The following IQSEC1 variants were observed in gnomAD, a reference collection of about 807,000 sequenced individuals.
The protein encoded by IQSEC1 is IQ motif and SEC7 domain-containing protein 1.
In IQSEC1, 31 loss-of-function variants were observed where a neutral mutation model predicts 91.0. The ratio of observed to expected loss-of-function variants is 0.34; its 90% CI spans 0.26 to 0.46. The LOEUF (loss-of-function observed/expected upper bound fraction) is 0.46, where lower values mean the gene tolerates loss of function less well. Ranked by LOEUF, IQSEC1 falls within the 20% of genes least tolerant of loss-of-function variation. IQSEC1 has a pLI of 1.00. For synonymous variants in IQSEC1, 699 were observed against 662.6 expected, an observed-to-expected ratio of 1.05 and a Z score of -0.84; for missense variants, 1,388 against 1,575.6, an observed-to-expected ratio of 0.88 and a Z score of 2.02.
chr3:13,226,126 G>A (rs1215463242), intron 1 of IQSEC1, among the ~76,000 whole-genome samples: 1 of 152,082 alleles, frequency 6.6e-6, no homozygotes, highest in Non-Finnish European at 1.5e-5. Flanking sequence ...TGATCCACCC[G>A]CCTCGGCCTC....
intron 1 of IQSEC1, among the ~76,000 whole-genome samples, chr3:13,231,904 G>C (rs946664970): frequency 3.9e-5 from 6 of 152,202 alleles, no homozygotes; most frequent in African/African-American, 1.4e-4. Flanking sequence ...CTGAGCTGCT[G>C]ACATCTGCTC....
chr3:12,924,705 C>T lies in IQSEC1; in HGVS notation c.1606G>A (p.Gly536Ser). 1.9e-6 allele frequency: 3 copies of T among 1,606,376 alleles called. No homozygotes were observed. The highest frequency in any genetic ancestry group is 2.6e-6 in the Non-Finnish European group (3 of 1,175,602). The part of the protein sequence containing the change: ...EKGVQYLIER[G>S]FVPDTPVGVA... ...CCGACGGGCGTGTCGGGCACAAAGC[C>T]ACGCTCGATGAGGTACTGGACTCCC... The change falls in exon 4 of 14, where the codon GGC becomes AGC. Residue 536 changes from glycine (G) to serine (S), a missense_variant. Transcript: ENST00000613206. This position sits in a 1 kb window ranked among gnomAD's most constrained non-coding sequence, Gnocchi z 6.3.
At chr3:13,171,323 C>T (rs565790444) in intron 1 of IQSEC1, among the ~76,000 whole-genome samples, 43 of 152,300 alleles carry the variant, frequency 2.8e-4, no homozygotes, top group African/African-American at 9.4e-4. Flanking sequence ...TCTTCCTAAA[C>T]GCTGTAATTG....
intron 1 of IQSEC1, among the ~76,000 whole-genome samples, chr3:13,012,755 C>G (rs1214325380): frequency 6.6e-6 from 1 of 152,162 alleles, no homozygotes; most frequent in Non-Finnish European, 1.5e-5. Context: ...GCGATTCCGC[C>G]ATTCCCGAAG....
intron 1 of IQSEC1, among the ~76,000 whole-genome samples, chr3:13,273,070 T>G (rs145152424): frequency 9.5e-4 from 144 of 152,256 alleles, no homozygotes; most frequent in African/African-American, 3.3e-3. Flanking sequence ...TTGCCACTCC[T>G]CTAGCAGGGA....
At chr3:13,036,877 T>A (rs910184024) in intron 1 of IQSEC1, among the ~76,000 whole-genome samples, 16 of 152,100 alleles carry the variant, frequency 1.1e-4, no homozygotes, top group Admixed American at 9.2e-4. Flanking sequence ...TCAGAACTAG[T>A]CCCACATCCT....
At chr3:13,198,489 C>G (rs1157517690) in intron 1 of IQSEC1, among the ~76,000 whole-genome samples, 2 of 152,064 alleles carry the variant, frequency 1.3e-5, no homozygotes, top group Non-Finnish European at 2.9e-5. Flanking sequence ...GCAGATTTCA[C>G]GCAGCTCAGC....
At chr3:12,962,662 C>T (rs1700314062) in intron 1 of IQSEC1, among the ~76,000 whole-genome samples, 2 of 152,196 alleles carry the variant, frequency 1.3e-5, no homozygotes. Flanking sequence ...AGGGGACAGT[C>T]AGTTTTAGTC....
At chr3:12,921,997 T>C (rs1696675488) in intron 5 of IQSEC1, 123 bp downstream of exon 5, 1 of 1,241,002 alleles carries the variant, frequency 8.1e-7, no homozygotes, top group African/African-American at 1.5e-5. Flanking sequence ...CAAAGCAACA[T>C]TCAGGGACAC....
Position 12,909,521 on chromosome 3 carries a change from G to A in IQSEC1, c.2417-87C>T, listed in dbSNP as rs1695362148. The A allele has an allele frequency of 3.7e-6, 5 of 1,342,444 alleles. No individual in the cohort carries two copies. In the South Asian group the frequency reaches 5.3e-5, roughly 14 times the overall value. The allele number at this position is 1,342,444 out of a possible 1,614,324, so 83.2% of individuals were successfully genotyped here. A position where few individuals can be genotyped will look rare whatever the true frequency, so the allele number is the denominator to read the frequency against. On this transcript the variant is annotated intron_variant, in intron 10 of 13. Coordinates refer to ENST00000613206, the MANE Select transcript of IQSEC1 (RefSeq NM_001134382.3). The surrounding 1 kb of genome is among the most constrained non-coding windows in gnomAD (Gnocchi z 4.9). ...TCTCTGGTCAGGAAACAATGGTAGG[G>A]CTGAGTTGTGCGTGAGCCTGGGATA...
At chr3:13,167,484 C>T (rs533842859) in intron 1 of IQSEC1, among the ~76,000 whole-genome samples, 1 of 152,128 alleles carries the variant, frequency 6.6e-6, no homozygotes, top group East Asian at 1.9e-4. Flanking sequence ...GAAGGCTGCT[C>T]CTGGGGAGGA....
chr3:13,039,260 G>A (rs570611605), intron 1 of IQSEC1, among the ~76,000 whole-genome samples: 6 of 152,204 alleles, frequency 3.9e-5, no homozygotes, highest in Admixed American at 6.5e-5. Context: ...ATTTCTTTCC[G>A]TTTGCTAGTT....
At chr3:13,037,539 A>G (rs1704080984) in intron 1 of IQSEC1, among the ~76,000 whole-genome samples, 1 of 152,222 alleles carries the variant, frequency 6.6e-6, no homozygotes, top group Non-Finnish European at 1.5e-5. Context: ...AACAAGGTGC[A>G]CCTTGAAGAG....
chr3:12,954,236 A>T (rs1469691709), intron 1 of IQSEC1, among the ~76,000 whole-genome samples: 2 of 152,216 alleles, frequency 1.3e-5, no homozygotes. Context: ...TCTCTCACTC[A>T]AAGAGCCCAG....
chr3:12,964,987 G>T (rs571661460), intron 1 of IQSEC1, among the ~76,000 whole-genome samples: 1 of 152,102 alleles, frequency 6.6e-6, no homozygotes, highest in African/African-American at 2.4e-5. Flanking sequence ...AAATATTAGC[G>T]CAACCAGTTC....
At chr3:13,021,341 G>A (rs1003678662) in intron 1 of IQSEC1, among the ~76,000 whole-genome samples, 16 of 152,282 alleles carry the variant, frequency 1.1e-4, no homozygotes, top group Non-Finnish European at 1.6e-4. Flanking sequence ...CCATGCAGGC[G>A]CCATTCCAGA....
intron 1 of IQSEC1, among the ~76,000 whole-genome samples, chr3:13,272,923 A>C (rs1159496802): frequency 1.3e-5 from 2 of 152,232 alleles, no homozygotes; most frequent in Non-Finnish European, 2.9e-5. Context: ...TAGATAAGAG[A>C]CATGTGCTGA....
At chr3:13,104,450 A>C (rs1284855929) in intron 2 of IQSEC1, among the ~76,000 whole-genome samples, 3 of 152,096 alleles carry the variant, frequency 2.0e-5, no homozygotes, top group Admixed American at 6.5e-5. Context: ...TCTGTAGTCT[A>C]TACAAAAATA....
chr3:12,906,559 A>G (rs1030149198), intron 12 of IQSEC1, among the ~76,000 whole-genome samples: 5 of 152,170 alleles, frequency 3.3e-5, no homozygotes, highest in Admixed American at 2.0e-4. Flanking sequence ...TTTTGTTTCA[A>G]TGGCAGGCCC....
Sources: allele counts gnomAD v4.1 joint callset (sites outside exome capture counted in the v4.1 genomes callset), GRCh38; gene constraint gnomAD v4.1.1; non-coding constraint Gnocchi (gnomAD v3.1); transcripts MANE v1.5; gene names NCBI Gene and HGNC (gene_info 2026-07-23, HGNC 2026-07-21).